RHPN2: variants seen among roughly 807,000 people sequenced by gnomAD.
The protein encoded by RHPN2 is rhophilin-2.
RHPN2 carries 40 observed loss-of-function variants against 79.0 expected under a neutral mutation model. That is an observed-to-expected ratio of 0.51 (90% CI 0.39 to 0.66). The LOEUF (loss-of-function observed/expected upper bound fraction) is 0.66, where lower values mean the gene tolerates loss of function less well. Among genes scored for constraint, RHPN2 ranks in the 30% least tolerant of loss-of-function variants. The probability of loss-of-function intolerance (pLI) is 0.00; values close to 1 mark genes in which losing one functional copy is unlikely to be tolerated. For missense variants in RHPN2, 686 were observed against 883.5 expected (o/e 0.78, Z 2.83); for synonymous variants, 285 against 363.5 (o/e 0.78, Z 2.46).
In RHPN2 at chr19:32,980,058, G is replaced by A. The variant is rs150014084; in HGVS notation, c.1999C>T (p.Gln667Ter). The A allele has an allele frequency of 5.6e-6, 9 of 1,613,784 alleles. No individual in the cohort carries two copies. The highest frequency in any genetic ancestry group is 1.7e-5 in the Admixed American group (1 of 59,972). Reference sequence around the variant, plus strand: ...GGGGAGGGCAGCTTCTTCTTGACCTGAGGCCGTGCAGCCCCGACCGATGGG... The same window carrying A: ...GGGGAGGGCAGCTTCTTCTTGACCTAAGGCCGTGCAGCCCCGACCGATGGG... ...CLPSVGAARP[Q>*]VKKKLPSPFS... is the part of the protein sequence containing the mutation. The change falls in exon 15 of 15, where the codon CAG becomes TAG. Residue 667 changes from glutamine (Q) to a stop codon, truncating the protein, a stop_gained. Transcript: ENST00000254260. LOFTEE classifies it high-confidence loss of function.
At chr19:33,030,587 C>T (rs1171087949) in intron 2 of RHPN2, among the ~76,000 whole-genome samples, 1 of 151,612 alleles carries the variant, frequency 6.6e-6, no homozygotes. Context: ...AGCAAGACTC[C>T]ATCACAAAAA....
At chr19:33,009,235 C>A (rs1971817896) in intron 6 of RHPN2, among the ~76,000 whole-genome samples, 1 of 151,916 alleles carries the variant, frequency 6.6e-6, no homozygotes, top group African/African-American at 2.4e-5. Context: ...CAAGAATGAA[C>A]CCTAATGGAA....
intron 10 of RHPN2, among the ~76,000 whole-genome samples, chr19:32,997,512 C>T (rs3859526): frequency 0.61 from 92,438 of 150,950 alleles, 29,336 homozygotes; most frequent in African/African-American, 0.77. Context: ...TTTCTTGAGA[C>T]GGAGTCTTGC....
intron 6 of RHPN2, among the ~76,000 whole-genome samples, chr19:33,009,777 T>A (rs1366612625): frequency 6.6e-6 from 1 of 151,514 alleles, no homozygotes; most frequent in Non-Finnish European, 1.5e-5. Flanking sequence ...TATTTTTATT[T>A]TTTTTATTTT....
At chr19:33,063,808 A>ACCCGCCGCCCGCCG (rs56913749) in intron 1 of RHPN2, among the ~76,000 whole-genome samples, 2,759 of 131,188 alleles carry the variant, frequency 0.021, 93 homozygotes, top group African/African-American at 0.069. Flanking sequence ...GGCACCCGCC[A>ACCCGCCGCCCGCCG]CCCGCCGCCC....
intron 3 of RHPN2, among the ~76,000 whole-genome samples, chr19:33,025,311 T>TAAA (rs201499801): frequency 0.074 from 9,683 of 130,666 alleles, 492 homozygotes; most frequent in South Asian, 0.22. Flanking sequence ...TGTCTCTACT[T>TAAA]AAAAAAAAAA....
intron 3 of RHPN2, among the ~76,000 whole-genome samples, chr19:33,022,794 C>T (rs1171399683): frequency 6.6e-6 from 1 of 152,196 alleles, no homozygotes; most frequent in African/African-American, 2.4e-5. Flanking sequence ...GGCGAGGGGA[C>T]AATGCAGCTG....
intron 4 of RHPN2, 32 bp downstream of exon 4, chr19:33,021,539 C>T (rs1971923604): frequency 1.9e-6 from 3 of 1,583,258 alleles, no homozygotes; most frequent in Non-Finnish European, 2.6e-6. Context: ...ATTTTAAACA[C>T]TGAGTCTGGT....
intron 14 of RHPN2, among the ~76,000 whole-genome samples, chr19:32,983,235 G>A (rs1231129774): frequency 6.6e-6 from 1 of 151,742 alleles, no homozygotes; most frequent in Non-Finnish European, 1.5e-5. Flanking sequence ...TTTCTTGGCG[G>A]GGCGTGGTGG....
intron 1 of RHPN2, among the ~76,000 whole-genome samples, chr19:33,062,984 TC>T (rs1268956412): frequency 2.6e-5 from 4 of 151,870 alleles, no homozygotes; most frequent in Non-Finnish European, 5.9e-5. Context: ...GCTGCCATTT[TC>T]CCCCAGGTGC....
At chr19:33,016,096 T>A (rs376679073) in intron 4 of RHPN2, among the ~76,000 whole-genome samples, 25 of 152,112 alleles carry the variant, frequency 1.6e-4, no homozygotes, top group Admixed American at 3.3e-4. Context: ...AAATAATACC[T>A]TTCACAATAG....
chr19:33,024,598 A>G (rs540301097), intron 3 of RHPN2, among the ~76,000 whole-genome samples: 1 of 152,178 alleles, frequency 6.6e-6, no homozygotes, highest in South Asian at 2.1e-4. Flanking sequence ...ACCAGGAAAC[A>G]CACATTCCAT....
chr19:32,999,831 T>C, intron 9 of RHPN2, 126 bp from the exon 10 acceptor site: 1 of 1,272,112 alleles, frequency 7.9e-7, no homozygotes, highest in South Asian at 1.2e-5. Context: ...GGATCATGGG[T>C]CTCCTTTCTG....
intron 3 of RHPN2, among the ~76,000 whole-genome samples, chr19:33,022,759 C>A (rs1017266126): frequency 7.2e-5 from 11 of 152,202 alleles, no homozygotes; most frequent in African/African-American, 2.7e-4. Context: ...CCCAGCCCCA[C>A]AAGAAGGCCA....
At chr19:33,018,148 A>G (rs773654363) in intron 4 of RHPN2, among the ~76,000 whole-genome samples, 5 of 151,048 alleles carry the variant, frequency 3.3e-5, no homozygotes, top group Non-Finnish European at 4.4e-5. Context: ...GCGAGGCTTC[A>G]TCTCAAAAAT....
At chr19:33,049,482 C>G (rs1363321250) in intron 1 of RHPN2, among the ~76,000 whole-genome samples, 1 of 152,220 alleles carries the variant, frequency 6.6e-6, no homozygotes, top group Non-Finnish European at 1.5e-5. Flanking sequence ...GCACCAGGGA[C>G]TGGGGCTAAA....
intron 9 of RHPN2, among the ~76,000 whole-genome samples, chr19:33,000,393 G>A (rs533126846): frequency 6.6e-6 from 1 of 151,538 alleles, no homozygotes; most frequent in East Asian, 2.0e-4. Context: ...GCTAATTTTT[G>A]TATTTTTAGT....
intron 1 of RHPN2, among the ~76,000 whole-genome samples, chr19:33,045,050 C>CTT (rs367927850): frequency 0.12 from 15,663 of 127,142 alleles, 1,442 homozygotes; most frequent in East Asian, 0.28. Flanking sequence ...TGAGTATCTA[C>CTT]TTTTTTTTTT....
intron 14 of RHPN2, 73 bp from the exon 15 acceptor site, chr19:32,980,329 C>A: frequency 1.3e-6 from 2 of 1,579,232 alleles, no homozygotes; most frequent in Non-Finnish European, 1.7e-6. Flanking sequence ...GAAGTTTGGC[C>A]AGGCGCGGTG....
Sources: gnomAD v4.1 joint callset for allele counts (sites outside exome capture counted in the v4.1 genomes callset) on GRCh38, gnomAD v4.1.1 for gene constraint, MANE v1.5 for transcripts, NCBI Gene and HGNC (gene_info 2026-07-23, HGNC 2026-07-21) for gene names.